The following CTNNA2 variants were observed in gnomAD, a reference collection of about 807,000 sequenced individuals.
CTNNA2 encodes the protein catenin alpha-2.
A neutral mutation model predicts 101.0 loss-of-function variants in CTNNA2; 42 were observed. The observed-to-expected ratio is 0.42, with a 90% CI of 0.32 to 0.54. The LOEUF (loss-of-function observed/expected upper bound fraction) is 0.54, where lower values mean the gene tolerates loss of function less well. Ranked by LOEUF, CTNNA2 falls within the 20% of genes least tolerant of loss-of-function variation. The pLI is 0.14. For synonymous variants in CTNNA2, 450 were observed against 456.4 expected (o/e 0.99, Z 0.18); for missense variants, 871 against 1,223.1 (o/e 0.71, Z 4.29).
chr2:80,200,689 C>G (rs1044275120), intron 7 of CTNNA2, among the ~76,000 whole-genome samples: 1 of 152,084 alleles, frequency 6.6e-6, no homozygotes, highest in African/African-American at 2.4e-5. Context: ...GCACCTGCCA[C>G]CACGCCCGGC....
At chr2:79,606,995 A>C (rs756640214) in intron 1 of CTNNA2, among the ~76,000 whole-genome samples, 16 of 152,214 alleles carry the variant, frequency 1.1e-4, no homozygotes, top group Non-Finnish European at 2.4e-4. Flanking sequence ...TAAAGAGCAG[A>C]GAGTATCAGA....
At chr2:80,572,499 C>T (rs1340687262) in intron 12 of CTNNA2, among the ~76,000 whole-genome samples, 1 of 152,022 alleles carries the variant, frequency 6.6e-6, no homozygotes, top group Non-Finnish European at 1.5e-5. Flanking sequence ...CTTATGGCAA[C>T]GTAGACACCG....
upstream of CTNNA2, among the ~76,000 whole-genome samples, chr2:79,511,156 T>A (rs1477953669): frequency 2.6e-5 from 4 of 152,174 alleles, no homozygotes; most frequent in Non-Finnish European, 5.9e-5. Flanking sequence ...CTAGGACAAC[T>A]TTACTCTTTC....
chr2:80,415,405 G>T (rs1303189891), intron 8 of CTNNA2, among the ~76,000 whole-genome samples: 3 of 151,444 alleles, frequency 2.0e-5, no homozygotes, highest in Non-Finnish European at 4.4e-5. Flanking sequence ...ATGAAGCTCT[G>T]TTTTTTTTGT....
chr2:80,269,098 G>A (rs1445139786), intron 7 of CTNNA2, among the ~76,000 whole-genome samples: 1 of 152,192 alleles, frequency 6.6e-6, no homozygotes, highest in Non-Finnish European at 1.5e-5. Flanking sequence ...CATCCCATTT[G>A]TTGTGTTACA....
At chr2:80,288,928 T>C (rs1443224545) in intron 7 of CTNNA2, 1 of 152,256 alleles carries the variant, frequency 6.6e-6, no homozygotes, top group African/African-American at 2.4e-5. Context: ...GCTGCTTGGC[T>C]GTGAGGTCCA....
intron 6 of CTNNA2, among the ~76,000 whole-genome samples, chr2:79,909,087 A>G (rs1253794050): frequency 6.6e-6 from 1 of 152,216 alleles, no homozygotes; most frequent in African/African-American, 2.4e-5. Flanking sequence ...CCTGTACTGA[A>G]TATGCCTGTT....
chr2:80,443,922 T>C (rs1682836944), intron 9 of CTNNA2, among the ~76,000 whole-genome samples: 1 of 152,202 alleles, frequency 6.6e-6, no homozygotes, highest in African/African-American at 2.4e-5. Flanking sequence ...ATATGCATTT[T>C]TATACATCCC....
At chr2:79,785,550 T>A (rs1674773405) in intron 3 of CTNNA2, among the ~76,000 whole-genome samples, 1 of 150,684 alleles carries the variant, frequency 6.6e-6, no homozygotes, top group Non-Finnish European at 1.5e-5. Flanking sequence ...ACACTTTGCT[T>A]TTTTTCCCCA....
chr2:79,755,635 T>A lies in CTNNA2; in HGVS notation c.298+11053T>A, dbSNP rs141864812. ...TCATCTTGATAAGTCTAGCCATAAC[T>A]CCAGATTCAGTATGTCTGGGGTGAC... On this transcript the variant is annotated intron_variant, in intron 3 of 18. Coordinates refer to ENST00000402739, the MANE Select transcript of CTNNA2 (RefSeq NM_001282597.3). Among the ~76,000 whole-genome samples the A allele has an allele frequency of 2.6e-5, 4 of 152,274 alleles. No homozygotes were observed. The East Asian group carries it at 7.7e-4, about 29-fold the overall frequency.
chr2:79,444,728 C>T (rs923632203), intron 4 of CTNNA2, among the ~76,000 whole-genome samples: 2 of 152,060 alleles, frequency 1.3e-5, no homozygotes, highest in Non-Finnish European at 2.9e-5. Flanking sequence ...TACACATCAT[C>T]TGCAATTTGG....
intron 3 of CTNNA2, among the ~76,000 whole-genome samples, chr2:79,351,287 T>C (rs185817724): frequency 6.6e-6 from 1 of 152,316 alleles, no homozygotes; most frequent in East Asian, 1.9e-4. Context: ...CTTCAAGCTA[T>C]AGTTACATAT....
intron 3 of CTNNA2, among the ~76,000 whole-genome samples, chr2:79,811,100 C>T (rs1676993625): frequency 6.6e-6 from 1 of 150,996 alleles, no homozygotes; most frequent in Admixed American, 6.6e-5. Context: ...GAGGGATCGC[C>T]ACACTGACTT....
At chr2:80,240,078 G>A (rs533921601) in intron 7 of CTNNA2, among the ~76,000 whole-genome samples, 1 of 152,262 alleles carries the variant, frequency 6.6e-6, no homozygotes, top group South Asian at 2.1e-4. Flanking sequence ...CATAAGTGGG[G>A]ACTACCATAT....
intron 4 of CTNNA2, among the ~76,000 whole-genome samples, chr2:79,464,415 G>A (rs1367634668): frequency 6.6e-6 from 1 of 152,136 alleles, no homozygotes; most frequent in Non-Finnish European, 1.5e-5. Context: ...CCAAGTCTTT[G>A]CTATTGTGAA....
At chr2:80,306,406 T>C (rs888010087) in intron 7 of CTNNA2, among the ~76,000 whole-genome samples, 3 of 107,062 alleles carry the variant, frequency 2.8e-5, no homozygotes, top group East Asian at 2.6e-4. Context: ...TTTCTTTTCT[T>C]TCTTTCTTTC....
intron 1 of CTNNA2, among the ~76,000 whole-genome samples, chr2:79,540,734 C>T (rs1673355601): frequency 1.3e-5 from 2 of 152,122 alleles, no homozygotes; most frequent in East Asian, 1.9e-4. Context: ...TTAATGAAGT[C>T]GCTTATACAT....
At chr2:79,464,044 T>A (rs1670906435) in intron 4 of CTNNA2, among the ~76,000 whole-genome samples, 1 of 152,104 alleles carries the variant, frequency 6.6e-6, no homozygotes, top group South Asian at 2.1e-4. Flanking sequence ...TGCAGGTTGG[T>A]TACATATGTA....
At chr2:79,528,713 A>T (rs1474598324) in intron 1 of CTNNA2, among the ~76,000 whole-genome samples, 1 of 152,194 alleles carries the variant, frequency 6.6e-6, no homozygotes, top group Non-Finnish European at 1.5e-5. Flanking sequence ...CACATTGTAG[A>T]GTACAATTGT....
Sources: gnomAD v4.1 joint callset for allele counts (sites outside exome capture counted in the v4.1 genomes callset) on GRCh38, gnomAD v4.1.1 for gene constraint, MANE v1.5 for transcripts, NCBI Gene and HGNC (gene_info 2026-07-23, HGNC 2026-07-21) for gene names.